TRMU: variants seen among roughly 807,000 people sequenced by gnomAD.
TRMU encodes the protein tRNA mitochondrial 2-thiouridylase, also known as mitochondrial tRNA-specific 2-thiouridylase 1.
In TRMU, 49 loss-of-function variants were observed where a neutral mutation model predicts 46.9. The observed-to-expected ratio is 1.05, with a 90% confidence interval of 0.83 to 1.33. TRMU has a LOEUF of 1.33. TRMU is among the 40% of genes most tolerant of loss of function. The pLI is 0.00. For missense variants in TRMU, 572 were observed against 532.4 expected (o/e 1.07, Z -0.73); for synonymous variants, 241 against 200.9 (o/e 1.20, Z -1.69).
rs2077967400 is a variant in TRMU at position 46,336,061 on chromosome 22, T to C, written c.82+215T>C. ...GTGCGCGACTGCAGCTCCGACTACC[T>C]GGGAGCAGTTCCGCGCCCCTCTCCA... On this transcript the variant is annotated intron_variant, in intron 1 of 10. Coordinates refer to ENST00000645190, the MANE Select transcript of TRMU (RefSeq NM_018006.5). The surrounding 1 kb of genome is among the most constrained non-coding windows in gnomAD (Gnocchi z 4.1). 2 of 1,397,602 alleles carry C rather than the reference T, an allele frequency of 1.4e-6. No homozygotes were observed. Among genetic ancestry groups the C allele is most frequent in the Non-Finnish European group, 1.9e-6 (2 of 1,079,792 alleles). 86.6% of individuals were successfully genotyped at this position (1,397,602 alleles called of 1,614,324 possible). A position where few individuals can be genotyped will look rare whatever the true frequency, so the allele number is the denominator to read the frequency against.
rs567929003 is a variant in TRMU at position 46,350,626 on chromosome 22, G to A, written c.651+163G>A. On this transcript the variant is annotated intron_variant, in intron 5 of 10. Transcript: ENST00000645190. This position sits in a 1 kb window ranked among gnomAD's most constrained non-coding sequence, Gnocchi z 4.6. ...GATGGAGGAGTTTGCTGAGGCGCAC[G>A]GTACAGGGCTCTGCTGACATCGGGA... Among the ~76,000 whole-genome samples, 18 of 152,276 alleles carry A rather than the reference G, an allele frequency of 1.2e-4. No homozygotes were observed. The highest frequency in any genetic ancestry group is 2.2e-4 in the Non-Finnish European group (15 of 68,024).
chr22:46,354,114 C>T (rs765398210), intron 8 of TRMU: 82 of 448,572 alleles, frequency 1.8e-4, no homozygotes, highest in Non-Finnish European at 2.9e-4. Flanking sequence ...TACACAGATA[C>T]AGTTTCTCCA....
In TRMU at chr22:46,346,355, T is replaced by C. The variant is rs1274039684; in HGVS notation, c.356-67T>C. ...TCTATACTCTTCTTTTGTGCCTTGG[T>C]TTATGCTGATCAAGGCCTGCAAGTA... On this transcript the variant is annotated intron_variant, in intron 3 of 10. Coordinates refer to ENST00000645190, the MANE Select transcript of TRMU (RefSeq NM_018006.5). The C allele has an allele frequency of 1.1e-5, 17 of 1,579,382 alleles. No homozygotes were observed. In the East Asian group the frequency reaches 3.7e-4, roughly 34 times the overall value.
In TRMU at chr22:46,350,940, C is replaced by T. The variant is rs75801019; in HGVS notation, c.651+477C>T. ...AGGAATTGGTGACGCGCACACAGTT[C>T]CATCTTCGCCTCCATGGAGCCCGCC... On this transcript the variant is annotated intron_variant, in intron 5 of 10. Transcript: ENST00000645190. The surrounding 1 kb of genome is among the most constrained non-coding windows in gnomAD (Gnocchi z 4.6). 0.066 allele frequency among the ~76,000 whole-genome samples: 10,069 copies of T among 152,318 alleles called. 469 individuals are homozygous for T. Among genetic ancestry groups the T allele is most frequent in the Non-Finnish European group, 0.1 (6,852 of 68,022 alleles).
chr22:46,355,606 T>C lies in TRMU; in HGVS notation c.1018+18T>C. ...GGCACTAGGTGACTGACGGGAGGGC[T>C]CCTGAGGACGGGCCCCTTGAAGCTG... On this transcript the variant is annotated intron_variant, in intron 9 of 10. Coordinates refer to ENST00000645190, the MANE Select transcript of TRMU (RefSeq NM_018006.5). 6.2e-7 allele frequency: 1 copy of C among 1,613,202 alleles called. No homozygotes were observed. Among genetic ancestry groups the C allele is most frequent in the Admixed American group, 1.7e-5 (1 of 60,020 alleles).
intron 7 of TRMU, chr22:46,353,436 A>C (rs1033115966): frequency 8.3e-5 from 30 of 360,534 alleles, no homozygotes; most frequent in Non-Finnish European, 1.5e-4. Flanking sequence ...GCTCAGCAAG[A>C]AGGGCCCCTG....
rs1203576443 is a variant in TRMU at position 46,347,624 on chromosome 22, A to T, written c.478+1080A>T. 1 of 152,356 alleles carries T rather than the reference A, an allele frequency of 6.6e-6. No individual in the cohort carries two copies. Among genetic ancestry groups the T allele is most frequent in the East Asian group, 1.9e-4 (1 of 5,196 alleles). 9.4% of individuals were successfully genotyped at this position (152,356 alleles called of 1,614,324 possible). A position where few individuals can be genotyped will look rare whatever the true frequency, so the allele number is the denominator to read the frequency against. ...CTCGGCCTCTCAAAGTGTTGGGATT[A>T]CAGGTGTGAGCCACCAAGCCCGGCC... is the stretch of plus-strand genomic sequence containing the variant. On this transcript the variant is annotated intron_variant, in intron 4 of 10. Transcript: ENST00000645190. This position sits in a 1 kb window ranked among gnomAD's most constrained non-coding sequence, Gnocchi z 5.0.
At chr22:46,356,276 C>A in intron 10 of TRMU, 1 of 599,622 alleles carries the variant, frequency 1.7e-6, no homozygotes, top group Non-Finnish European at 3.0e-6. Flanking sequence ...TCTGGTGTCA[C>A]CAACCAGCCA....
In TRMU at chr22:46,346,407, C is replaced by A; in HGVS notation, c.356-15C>A. Reference sequence around the variant, plus strand: ...GAGTCTAAAACCTGATCCTTGTGTTCTAAAAACCTCACAGGGGCAGATGCC... The same window carrying A: ...GAGTCTAAAACCTGATCCTTGTGTTATAAAAACCTCACAGGGGCAGATGCC... On this transcript the variant is annotated splice_polypyrimidine_tract_variant and intron_variant, in intron 3 of 10. Coordinates refer to ENST00000645190, the MANE Select transcript of TRMU (RefSeq NM_018006.5). 1 of 1,610,648 alleles carries A rather than the reference C, an allele frequency of 6.2e-7. No homozygotes were observed. Among genetic ancestry groups the A allele is most frequent in the South Asian group, 1.1e-5 (1 of 90,750 alleles).
At chr22:46,353,526 C>T (rs2078500121) in intron 7 of TRMU, 1 of 446,014 alleles carries the variant, frequency 2.2e-6, no homozygotes. Context: ...TTCTGGGGCA[C>T]AAGGTGCCTT....
chr22:46,343,951 T>TA (rs1472726984), intron 3 of TRMU, among the ~76,000 whole-genome samples: 1 of 152,082 alleles, frequency 6.6e-6, no homozygotes, highest in Non-Finnish European at 1.5e-5. Context: ...GCAGATTCAA[T>TA]ATGTCAGCAA....
rs1239413013 is a variant in TRMU at position 46,349,308 on chromosome 22, T to C, written c.479-983T>C. Among the ~76,000 whole-genome samples the C allele has an allele frequency of 2.0e-5, 3 of 152,126 alleles. No homozygotes were observed. Among genetic ancestry groups the C allele is most frequent in the South Asian group, 4.1e-4 (2 of 4,826 alleles). On this transcript the variant is annotated intron_variant, in intron 4 of 10. Coordinates refer to ENST00000645190, the MANE Select transcript of TRMU (RefSeq NM_018006.5). The surrounding 1 kb of genome is among the most constrained non-coding windows in gnomAD (Gnocchi z 4.6). ...CCCCACCGCCTCCACCTGCATCACT[T>C]TGGGCGAGTCATATGTGATGAACTG...
chr22:46,353,622 G>T, intron 7 of TRMU, 145 bp from the exon 8 acceptor site: 3 of 725,540 alleles, frequency 4.1e-6, no homozygotes, highest in South Asian at 2.9e-5. Flanking sequence ...TGGCTTTGGT[G>T]GTTGGAGAAT....
Position 46,357,223 on chromosome 22 carries a change from G to T in TRMU, c.*217G>T. 4.6e-6 allele frequency: 3 copies of T among 655,264 alleles called. No individual in the cohort carries two copies. The highest frequency in any genetic ancestry group is 7.8e-6 in the Non-Finnish European group (3 of 384,752). The allele number at this position is 655,264 out of a possible 1,614,324, so 40.6% of individuals were successfully genotyped here. On this transcript the variant is annotated 3_prime_UTR_variant, in exon 11 of 11. Coordinates refer to ENST00000645190, the MANE Select transcript of TRMU (RefSeq NM_018006.5). ...CTGCTGGAGCATCTGCTGGCTGGTG[G>T]GGTGGCCCGAGTTCCCCTTCACCGC...
In TRMU at chr22:46,347,398, C is replaced by T. The variant is rs919518627; in HGVS notation, c.478+854C>T. ...AGAGGATCTCACTCTGTCAACCGGG[C>T]TGGAGTACAGTGGCCCGATCTTGGC... On this transcript the variant is annotated intron_variant, in intron 4 of 10. Coordinates refer to ENST00000645190, the MANE Select transcript of TRMU (RefSeq NM_018006.5). This position sits in a 1 kb window ranked among gnomAD's most constrained non-coding sequence, Gnocchi z 5.0. The T allele has an allele frequency of 3.3e-5, 5 of 152,136 alleles. No individual in the cohort carries two copies. Among genetic ancestry groups the T allele is most frequent in the Non-Finnish European group, 5.9e-5 (4 of 68,042 alleles). 9.4% of individuals were successfully genotyped at this position (152,136 alleles called of 1,614,324 possible).
chr22:46,350,201 A>G lies in TRMU; in HGVS notation c.479-90A>G. On this transcript the variant is annotated intron_variant, in intron 4 of 10. Coordinates refer to ENST00000645190, the MANE Select transcript of TRMU (RefSeq NM_018006.5). This position sits in a 1 kb window ranked among gnomAD's most constrained non-coding sequence, Gnocchi z 4.6. ...TGTCTGCCTCTGACAGGCTAGGGGT[A>G]GTCTGTCTAAGTGAACAGAAGGACA... The G allele has an allele frequency of 6.7e-7, 1 of 1,492,124 alleles. No homozygotes were observed. The allele number at this position is 1,492,124 out of a possible 1,614,324, so 92.4% of individuals were successfully genotyped here. A position where few individuals can be genotyped will look rare whatever the true frequency, so the allele number is the denominator to read the frequency against.
At position 46,349,288 on chromosome 22, in the gene TRMU, C is replaced by T. The variant is rs563719322; in HGVS notation, c.479-1003C>T. ...GGAGGCTGGGCAGCCTCCAGCCCCA[C>T]CGCCTCCACCTGCATCACTTTGGGC... is the stretch of plus-strand genomic sequence containing the variant. On this transcript the variant is annotated intron_variant, in intron 4 of 10. Transcript: ENST00000645190. The surrounding 1 kb of genome is among the most constrained non-coding windows in gnomAD (Gnocchi z 4.6). 1.3e-5 allele frequency among the ~76,000 whole-genome samples: 2 copies of T among 152,350 alleles called. No homozygotes were observed. The highest frequency in any genetic ancestry group is 6.5e-5 in the Admixed American group (1 of 15,300).
At chr22:46,340,252 G>T (rs1336033876) in intron 2 of TRMU, among the ~76,000 whole-genome samples, 1 of 152,154 alleles carries the variant, frequency 6.6e-6, no homozygotes, top group Non-Finnish European at 1.5e-5. Context: ...TGCGGCTTAG[G>T]GACTGATGTG....
chr22:46,352,592 G>A, intron 7 of TRMU: 1 of 565,102 alleles, frequency 1.8e-6, no homozygotes, highest in South Asian at 2.0e-5. Flanking sequence ...ACTATACTCT[G>A]TGAGTTACGT....
Sources: allele counts gnomAD v4.1 joint callset (sites outside exome capture counted in the v4.1 genomes callset), GRCh38; gene constraint gnomAD v4.1.1; non-coding constraint Gnocchi (gnomAD v3.1); transcripts MANE v1.5; gene names NCBI Gene and HGNC (gene_info 2026-07-23, HGNC 2026-07-21).